The following IQSEC1 variants were observed in gnomAD, a reference collection of about 807,000 sequenced individuals.
The protein encoded by IQSEC1 is IQ motif and Sec7 domain ArfGEF 1, also known as IQ motif and SEC7 domain-containing protein 1.
IQSEC1 carries 31 observed loss-of-function variants against 91.0 expected under a neutral mutation model. That is an observed-to-expected ratio of 0.34 (90% CI 0.26 to 0.46). The LOEUF is 0.46. Among genes scored for constraint, IQSEC1 ranks in the 20% least tolerant of loss-of-function variants. The pLI, the probability that IQSEC1 is intolerant of heterozygous loss-of-function variation, is 1.00. For missense variants in IQSEC1, 1,388 were observed against 1,575.6 expected (o/e 0.88, Z 2.02); for synonymous variants, 699 against 662.6 (o/e 1.05, Z -0.84).
At chr3:12,981,049 T>C (rs1288535379) in intron 1 of IQSEC1, among the ~76,000 whole-genome samples, 1 of 152,132 alleles carries the variant, frequency 6.6e-6, no homozygotes, top group Non-Finnish European at 1.5e-5. Context: ...TCCTGAGAGA[T>C]CAATGCAGGA....
At chr3:13,043,434 A>G (rs1704363270) in intron 1 of IQSEC1, among the ~76,000 whole-genome samples, 1 of 151,980 alleles carries the variant, frequency 6.6e-6, no homozygotes, top group Admixed American at 6.6e-5. Context: ...CCTCACCCCC[A>G]TGAATCCGGC....
intron 10 of IQSEC1, among the ~76,000 whole-genome samples, chr3:12,910,219 CT>C (rs1327453179): frequency 6.6e-6 from 1 of 152,238 alleles, no homozygotes; most frequent in Non-Finnish European, 1.5e-5. Flanking sequence ...GATAACTGAG[CT>C]GGGCCTGCCT....
At chr3:13,128,493 G>A (rs1306321902) in intron 2 of IQSEC1, among the ~76,000 whole-genome samples, 1 of 152,206 alleles carries the variant, frequency 6.6e-6, no homozygotes, top group Non-Finnish European at 1.5e-5. Context: ...AGCCTTGCAT[G>A]TCTGGAATAA....
intron 1 of IQSEC1, among the ~76,000 whole-genome samples, chr3:13,205,000 G>T (rs1694318112): frequency 6.6e-6 from 1 of 151,898 alleles, no homozygotes. Context: ...GTTTCACCAT[G>T]TTAGCCAGGC....
chr3:13,248,000 C>G (rs929193482), intron 1 of IQSEC1, among the ~76,000 whole-genome samples: 2 of 152,164 alleles, frequency 1.3e-5, no homozygotes, highest in African/African-American at 4.8e-5. Context: ...AGTCCAAGCT[C>G]GTGGGAGTGT....
At chr3:13,153,654 C>T (rs1391663558) in intron 2 of IQSEC1, among the ~76,000 whole-genome samples, 1 of 152,206 alleles carries the variant, frequency 6.6e-6, no homozygotes, top group Non-Finnish European at 1.5e-5. Context: ...GACCCACCCC[C>T]TTCAGAAGCT....
At chr3:13,124,956 G>C (rs1300992223) in intron 2 of IQSEC1, among the ~76,000 whole-genome samples, 1 of 152,156 alleles carries the variant, frequency 6.6e-6, no homozygotes, top group Non-Finnish European at 1.5e-5. Context: ...CGTCATGTTT[G>C]GCCAGGGCAT....
intron 2 of IQSEC1, among the ~76,000 whole-genome samples, chr3:13,118,675 G>A (rs963378083): frequency 6.6e-6 from 1 of 152,178 alleles, no homozygotes. Flanking sequence ...GAAAGTTATT[G>A]TTTAATGGAG....
In IQSEC1 at chr3:13,266,011, G is replaced by A. The variant is rs558875054; in HGVS notation, c.272+16700C>T. Among the ~76,000 whole-genome samples the A allele has an allele frequency of 1.6e-4, 24 of 148,638 alleles. No individual in the cohort carries two copies. The South Asian group carries it at 3.7e-3, about 23-fold the overall frequency. ...TAGTGCAGGGCTCCCTTTCACCTCCGAGACTCCTGTTATTACTTTCCCCAC... is the reference window on the plus strand; with the variant it reads ...TAGTGCAGGGCTCCCTTTCACCTCCAAGACTCCTGTTATTACTTTCCCCAC... On this transcript the variant is annotated intron_variant, in intron 1 of 15. Coordinates refer to the IQSEC1 transcript ENST00000648114.
Position 13,274,679 on chromosome 3 carries a change from C to T in IQSEC1, c.272+8032G>A, listed in dbSNP as rs773979102. ...GGAGCTCAGCAAGTGTTCATCTCAG[C>T]GGAGTGGGGAGGTCAGACCAACTCA... On this transcript the variant is annotated intron_variant, in intron 1 of 15. Coordinates refer to the IQSEC1 transcript ENST00000648114. Among the ~76,000 whole-genome samples the T allele has an allele frequency of 3.9e-5, 6 of 152,342 alleles. No homozygotes were observed. In the South Asian group the frequency reaches 1.0e-3, roughly 26 times the overall value.
intron 4 of IQSEC1, among the ~76,000 whole-genome samples, chr3:12,923,243 A>G (rs1423572548): frequency 6.6e-6 from 1 of 152,172 alleles, no homozygotes; most frequent in Non-Finnish European, 1.5e-5. Context: ...TGAGGAAAAC[A>G]ATGTGCGGAT....
At chr3:13,019,123 C>G (rs1703281585) in intron 1 of IQSEC1, among the ~76,000 whole-genome samples, 1 of 152,244 alleles carries the variant, frequency 6.6e-6, no homozygotes, top group Admixed American at 6.5e-5. Flanking sequence ...AGCAACTTGC[C>G]CGAGGGCTGC....
rs77115940 is a variant in IQSEC1 at position 13,279,708 on chromosome 3, C to G, written c.272+3003G>C. On this transcript the variant is annotated intron_variant, in intron 1 of 15. Coordinates refer to the IQSEC1 transcript ENST00000648114. ...ATCTGGAGGCTGAGTAGGAGGTCCACCAGGCCTGGCTTAGCCTGGCATGCT... is the reference window on the plus strand; with the variant it reads ...ATCTGGAGGCTGAGTAGGAGGTCCAGCAGGCCTGGCTTAGCCTGGCATGCT... Among the ~76,000 whole-genome samples, 1,261 of 152,328 alleles carry G rather than the reference C, an allele frequency of 8.3e-3. 11 individuals carry two copies. The highest frequency in any genetic ancestry group is 0.014 in the Non-Finnish European group (924 of 68,022).
chr3:13,031,970 G>A (rs1274603049), intron 1 of IQSEC1, among the ~76,000 whole-genome samples: 1 of 152,022 alleles, frequency 6.6e-6, no homozygotes, highest in Admixed American at 6.6e-5. Flanking sequence ...AGTTAATTGC[G>A]GACCCACAGA....
At chr3:13,120,195 G>A (rs60813010) in intron 2 of IQSEC1, among the ~76,000 whole-genome samples, 9,721 of 152,228 alleles carry the variant, frequency 0.064, 906 homozygotes, top group African/African-American at 0.21. Context: ...CCGACCCCCA[G>A]GGACAGGACA....
At chr3:13,135,040 G>A (rs548998064) in intron 2 of IQSEC1, among the ~76,000 whole-genome samples, 6 of 152,300 alleles carry the variant, frequency 3.9e-5, no homozygotes, top group South Asian at 2.1e-4. Context: ...GAACTGCGTC[G>A]TGTTGTGGTA....
rs902726955 is a variant in IQSEC1, at chr3:12,920,709, G to T, written c.1854-113C>A. 19 of 1,134,148 alleles carry T rather than the reference G, an allele frequency of 1.7e-5. No homozygotes were observed. In the African/African-American group the frequency reaches 2.9e-4, roughly 17 times the overall value. The allele number at this position is 1,134,148 out of a possible 1,614,324, so 70.3% of individuals were successfully genotyped here. A position where few individuals can be genotyped will look rare whatever the true frequency, so the allele number is the denominator to read the frequency against. ...AAGCCTCAGCTCCTGCTTCTGGTGA[G>T]CGAGGATCACACCTGCCTGTCGGAG... On this transcript the variant is annotated intron_variant, in intron 5 of 13. Coordinates refer to ENST00000613206, the MANE Select transcript of IQSEC1 (RefSeq NM_001134382.3).
At chr3:12,912,669 T>C (rs1695677214) in intron 9 of IQSEC1, among the ~76,000 whole-genome samples, 1 of 42,056 alleles carries the variant, frequency 2.4e-5, no homozygotes, top group African/African-American at 1.0e-4. Context: ...AGACTCCGTC[T>C]CAAAAAAAAA....
At chr3:13,112,497 A>G (rs1706263662) in intron 2 of IQSEC1, among the ~76,000 whole-genome samples, 1 of 152,248 alleles carries the variant, frequency 6.6e-6, no homozygotes, top group African/African-American at 2.4e-5. Flanking sequence ...AGACGTCCGG[A>G]AAAAGCTCTG....
Sources: allele counts gnomAD v4.1 joint callset (sites outside exome capture counted in the v4.1 genomes callset), GRCh38; gene constraint gnomAD v4.1.1; transcripts MANE v1.5; gene names NCBI Gene and HGNC (gene_info 2026-07-23, HGNC 2026-07-21).